The following TGM6 variants were observed in gnomAD, a reference collection of about 807,000 sequenced individuals.
TGM6 encodes the protein protein-glutamine gamma-glutamyltransferase 6.
Under a neutral mutation model 77.5 loss-of-function variants are expected in TGM6, and 74 were observed. That is an observed-to-expected ratio of 0.96 (90% CI 0.79 to 1.16). TGM6 has a LOEUF of 1.16. Among genes scored for constraint, TGM6 ranks in the 50% most tolerant of loss-of-function variants. The probability of loss-of-function intolerance (pLI) is 0.00; values close to 1 mark genes in which losing one functional copy is unlikely to be tolerated. For synonymous variants in TGM6, 383 were observed against 378.9 expected, an observed-to-expected ratio of 1.01 and a Z score of -0.12; for missense variants, 968 against 940.2, an observed-to-expected ratio of 1.03 and a Z score of -0.39.
At chr20:2,402,499 A>G (rs922882982) in intron 7 of TGM6, among the ~76,000 whole-genome samples, 1 of 152,052 alleles carries the variant, frequency 6.6e-6, no homozygotes. Flanking sequence ...AAGCACAGAC[A>G]CTTCATTTTG....
At chr20:2,399,930 G>A (rs2084694883) in intron 6 of TGM6, among the ~76,000 whole-genome samples, 192 bp downstream of exon 6, 1 of 152,166 alleles carries the variant, frequency 6.6e-6, no homozygotes, top group Non-Finnish European at 1.5e-5. Context: ...TATCTTGAAG[G>A]AGTCCTAGCT....
At chr20:2,407,159 A>G (rs1404616544) in intron 9 of TGM6, among the ~76,000 whole-genome samples, 1 of 152,220 alleles carries the variant, frequency 6.6e-6, no homozygotes, top group East Asian at 1.9e-4. Flanking sequence ...TCTGCACTGC[A>G]CTGCCACTAT....
intron 10 of TGM6, among the ~76,000 whole-genome samples, chr20:2,425,522 G>A (rs1251519822): frequency 6.6e-6 from 1 of 152,078 alleles, no homozygotes; most frequent in Non-Finnish European, 1.5e-5. Flanking sequence ...GCCTGTCTTT[G>A]TCCATTCTTT....
At chr20:2,399,087 C>T (rs1332331011) in intron 5 of TGM6, among the ~76,000 whole-genome samples, 2 of 149,274 alleles carry the variant, frequency 1.3e-5, no homozygotes, top group African/African-American at 2.5e-5. Context: ...GACTAACTTG[C>T]TGTGTGATTT....
chr20:2,432,517 G>C lies in TGM6; in HGVS notation c.1995G>C (p.Arg665Ser), dbSNP rs138807504. 1.8e-3 allele frequency: 2,959 copies of C among 1,614,050 alleles called. 18 individuals are homozygous for C. The highest frequency in any genetic ancestry group is 0.012 in the South Asian group (1,116 of 91,084). Residue 665 changes from arginine (R) to serine (S), a missense_variant, in exon 13 of 13, where the codon AGG (arginine) becomes AGC (serine). Physicochemically the swap from Arg to Ser is moderately radical, Grantham distance 110 (BLOSUM62 -1). Coordinates refer to ENST00000202625, the MANE Select transcript of TGM6 (RefSeq NM_198994.3). ...IDVPTLEPQE[R>S]ASVQFDITPS... ...TGCCTACCCTGGAGCCTCAGGAGAG[G>C]GCCTCAGTCCAGTTTGACATCACCC...
intron 1 of TGM6, among the ~76,000 whole-genome samples, chr20:2,389,118 G>A (rs2084614767): frequency 6.6e-6 from 1 of 152,156 alleles, no homozygotes; most frequent in African/African-American, 2.4e-5. Flanking sequence ...AACTTCTGAG[G>A]TTAGGTCATA....
At chr20:2,392,046 G>A (rs2084632372) in intron 1 of TGM6, among the ~76,000 whole-genome samples, 1 of 152,188 alleles carries the variant, frequency 6.6e-6, no homozygotes, top group Non-Finnish European at 1.5e-5. Context: ...TTGAGTTTAG[G>A]TGTTCTCTGC....
At chr20:2,396,778 A>G (rs969940890) in intron 4 of TGM6, among the ~76,000 whole-genome samples, 154 bp downstream of exon 4, 9 of 151,986 alleles carry the variant, frequency 5.9e-5, no homozygotes, top group Non-Finnish European at 1.0e-4. Flanking sequence ...TCTACTATTC[A>G]CTGGGCCAGG....
At chr20:2,391,521 G>A (rs1041128989) in intron 1 of TGM6, among the ~76,000 whole-genome samples, 1 of 152,094 alleles carries the variant, frequency 6.6e-6, no homozygotes, top group African/African-American at 2.4e-5. Flanking sequence ...GTGAGCTGGA[G>A]GAGTGGAAAG....
In TGM6 at chr20:2,397,891, T is replaced by G. The variant is rs766058582; in HGVS notation, c.544-27T>G. The G allele has an allele frequency of 3.8e-5, 61 of 1,613,962 alleles. 2 individuals carry two copies. In the Admixed American group the frequency reaches 8.2e-4, roughly 22 times the overall value. On this transcript the variant is annotated intron_variant, in intron 4 of 12. Coordinates refer to ENST00000202625, the MANE Select transcript of TGM6 (RefSeq NM_198994.3). The stretch of plus-strand genomic sequence containing the variant: ...GGAATATGGGTGACTGAACGCAGCC[T>G]CTAAGCACAGCCTCTCTGGGGAGCA...
At chr20:2,387,176 T>C (rs995641935) in intron 1 of TGM6, among the ~76,000 whole-genome samples, 4 of 152,244 alleles carry the variant, frequency 2.6e-5, no homozygotes, top group African/African-American at 9.6e-5. Flanking sequence ...GACAATTCTA[T>C]GTACAAGGTA....
intron 1 of TGM6, among the ~76,000 whole-genome samples, chr20:2,385,749 T>C (rs548650189): frequency 3.3e-5 from 5 of 152,272 alleles, no homozygotes; most frequent in African/African-American, 1.2e-4. Flanking sequence ...CCAAGGACGC[T>C]GCAGAGCATC....
intron 4 of TGM6, 137 bp from the exon 5 acceptor site, chr20:2,397,781 T>C: frequency 1.4e-6 from 2 of 1,399,274 alleles, no homozygotes; most frequent in East Asian, 4.6e-5. Flanking sequence ...GGGGGTGCTC[T>C]GTGATGCCCC....
chr20:2,389,460 A>G (rs1473007243), intron 1 of TGM6, among the ~76,000 whole-genome samples: 2 of 152,184 alleles, frequency 1.3e-5, no homozygotes, highest in Middle Eastern at 6.3e-3. Context: ...TATGATTATC[A>G]TTTTTCCAAG....
At chr20:2,393,014 C>T (rs1395610074) in intron 1 of TGM6, among the ~76,000 whole-genome samples, 1 of 152,214 alleles carries the variant, frequency 6.6e-6, no homozygotes, top group Admixed American at 6.5e-5. Context: ...CTCACCGCAC[C>T]ATGCATTGAG....
intron 9 of TGM6, among the ~76,000 whole-genome samples, chr20:2,410,290 A>G (rs1393545677): frequency 2.0e-5 from 3 of 152,128 alleles, no homozygotes; most frequent in East Asian, 1.9e-4. Flanking sequence ...CTGCTAAACA[A>G]TGGGGTTTGG....
intron 10 of TGM6, among the ~76,000 whole-genome samples, chr20:2,428,034 G>C (rs992424091): frequency 6.6e-6 from 1 of 152,128 alleles, no homozygotes; most frequent in African/African-American, 2.4e-5. Flanking sequence ...AGGTATTTTA[G>C]ATTTTTCAGC....
At chr20:2,403,330 C>T (rs537956136) in intron 7 of TGM6, 67 bp from the exon 8 acceptor site, 5 of 1,566,182 alleles carry the variant, frequency 3.2e-6, no homozygotes, top group Non-Finnish European at 4.4e-6. Context: ...GGGCCTGCCT[C>T]TCAGTAGGAT....
At chr20:2,410,608 G>A (rs770577427) in intron 9 of TGM6, among the ~76,000 whole-genome samples, 17 of 152,258 alleles carry the variant, frequency 1.1e-4, no homozygotes, top group South Asian at 6.2e-4. Context: ...TGTGACTGGA[G>A]TCTGAAGTCT....
Sources: allele counts gnomAD v4.1 joint callset (sites outside exome capture counted in the v4.1 genomes callset), GRCh38; gene constraint gnomAD v4.1.1; transcripts MANE v1.5; gene names NCBI Gene and HGNC (gene_info 2026-07-23, HGNC 2026-07-21).